ADGRD2: variants seen among roughly 807,000 people sequenced by gnomAD.
ADGRD2 encodes the protein G protein-coupled receptor PGR24.
In ADGRD2, 71 loss-of-function variants were observed where a neutral mutation model predicts 44.4. The observed-to-expected ratio is 1.60, with a 90% CI of 1.32 to 1.95. The LOEUF (loss-of-function observed/expected upper bound fraction) is 1.95, where lower values mean the gene tolerates loss of function less well. Ranked by LOEUF, ADGRD2 falls within the 30% of genes most tolerant of loss-of-function variation. The probability of loss-of-function intolerance (pLI) is 0.00; values close to 1 mark genes in which losing one functional copy is unlikely to be tolerated. For synonymous variants in ADGRD2, 481 were observed against 224.8 expected (o/e 2.14, Z -10.19); for missense variants, 1,039 against 512.4 (o/e 2.03, Z -9.92).
At chr9:124,453,373 T>G in exon 3 of ADGRD2, 1 of 555,810 alleles carries the variant, frequency 1.8e-6, no homozygotes. Flanking sequence ...GGCGCTGTTC[T>G]CCGATGGGAG....
chr9:124,466,083 C>A, intron 10 of ADGRD2, 175 bp from the exon 14 acceptor site: 1 of 448,516 alleles, frequency 2.2e-6, no homozygotes. Context: ...CTCCTACCAT[C>A]CTAAGAATGT....
chr9:124,466,481 T>C (rs1016539163), intron 11 of ADGRD2, 68 bp downstream of exon 14: 12 of 601,686 alleles, frequency 2.0e-5, no homozygotes, highest in East Asian at 5.9e-5. Context: ...GAAGAGCCAA[T>C]AGGTAGCCAG....
At chr9:124,470,717 G>A in intron 17 of ADGRD2, 103 bp downstream of exon 20, 1 of 596,844 alleles carries the variant, frequency 1.7e-6, no homozygotes, top group Non-Finnish European at 3.1e-6. Context: ...TCTCCATCAT[G>A]GGAGACATTC....
At chr9:124,469,450 G>A in exon 16 of ADGRD2, 2 of 718,190 alleles carry the variant, frequency 2.8e-6, no homozygotes, top group Non-Finnish European at 5.2e-6. Context: ...CTGCATCCTG[G>A]CCCGTGTGGT....
chr9:124,474,926 T>A (rs910157226), intron 17 of ADGRD2, among the ~76,000 whole-genome samples: 1 of 152,178 alleles, frequency 6.6e-6, no homozygotes, highest in Non-Finnish European at 1.5e-5. Context: ...TGTGAGTCCC[T>A]CACAGGCAGC....
chr9:124,470,442 G>A, intron 16 of ADGRD2, 52 bp from the exon 20 acceptor site: 1 of 690,190 alleles, frequency 1.4e-6, no homozygotes, highest in East Asian at 2.7e-5. Flanking sequence ...GAGCCCTGCG[G>A]GGAGCTCCCC....
chr9:124,459,341 A>G (rs1831681777), intron 10 of ADGRD2, among the ~76,000 whole-genome samples: 1 of 152,080 alleles, frequency 6.6e-6, no homozygotes, highest in Admixed American at 6.5e-5. Context: ...AAAATACACA[A>G]AAGTTAGCCA....
In ADGRD2 at chr9:124,454,570, G is replaced by T; in HGVS notation, c.1108+1G>T. ...CAATGCCTTGGCCAACGACATTGTG[G>T]TGAGCTCCCTCTCAGGGGCTGGAAA... On this transcript the variant is annotated splice_donor_variant, in intron 5 of 21. Transcript: ENST00000334810. LOFTEE classifies it high-confidence loss of function. The surrounding 1 kb of genome is among the most constrained non-coding windows in gnomAD (Gnocchi z 4.5). The T allele has an allele frequency of 1.4e-6, 1 of 715,720 alleles. No homozygotes were observed. Among genetic ancestry groups the T allele is most frequent in the South Asian group, 1.5e-5 (1 of 67,540 alleles). The allele number at this position is 715,720 out of a possible 1,614,324, so 44.3% of individuals were successfully genotyped here.
At chr9:124,458,312 G>C in intron 9 of ADGRD2, 76 bp downstream of exon 12, 2 of 697,746 alleles carry the variant, frequency 2.9e-6, no homozygotes, top group Admixed American at 2.1e-5. Context: ...CCGTTCTGGT[G>C]GGCGCATGTG....
intron 17 of ADGRD2, among the ~76,000 whole-genome samples, chr9:124,472,751 T>A (rs1490127937): frequency 6.6e-6 from 1 of 152,124 alleles, no homozygotes; most frequent in Non-Finnish European, 1.5e-5. Flanking sequence ...CAAGTGATCC[T>A]CCCGCCTCGG....
chr9:124,475,533 G>A (rs1236004819), intron 18 of ADGRD2, 38 bp from the exon 22 acceptor site: 2 of 716,070 alleles, frequency 2.8e-6, no homozygotes, highest in Admixed American at 2.0e-5. Context: ...CCAAGGGGTA[G>A]GGAGGGTCCC....
At chr9:124,457,534 C>T (rs1428091004) in exon 8 of ADGRD2, 1 of 688,738 alleles carries the variant, frequency 1.5e-6, no homozygotes, top group East Asian at 2.7e-5. Context: ...ATTCACAATG[C>T]CTGGTGGGCG....
In ADGRD2 at chr9:124,454,428, G is replaced by A; in HGVS notation, c.1023-56G>A. 1.5e-6 allele frequency: 1 copy of A among 688,098 alleles called. No homozygotes were observed. The highest frequency in any genetic ancestry group is 1.8e-5 in the African/African-American group (1 of 56,908). 42.6% of individuals were successfully genotyped at this position (688,098 alleles called of 1,614,324 possible). A position where few individuals can be genotyped will look rare whatever the true frequency, so the allele number is the denominator to read the frequency against. On this transcript the variant is annotated intron_variant, in intron 4 of 21. Coordinates refer to ENST00000334810, the Ensembl canonical transcript of ADGRD2. This position sits in a 1 kb window ranked among gnomAD's most constrained non-coding sequence, Gnocchi z 4.5. ...TGGGTGGAGGTCACTGAACAGGCTG[G>A]CATCTCTGGGCAGGGGTATTGCCCG...
Position 124,466,717 on chromosome 9 carries a change from G to A in ADGRD2, c.2026+304G>A, listed in dbSNP as rs572552061. On this transcript the variant is annotated intron_variant, in intron 11 of 21. Transcript: ENST00000334810. Reference sequence around the variant, plus strand: ...CCCAACTATTCAGGAGGCTGAGGCAGGAGGATTGCTTGAGCCCAGGAAGTC... The same window carrying A: ...CCCAACTATTCAGGAGGCTGAGGCAAGAGGATTGCTTGAGCCCAGGAAGTC... The A allele has an allele frequency of 6.0e-4, 114 of 188,940 alleles. 1 individual carries two copies. The South Asian group carries it at 0.019, about 32-fold the overall frequency. 11.7% of individuals were successfully genotyped at this position (188,940 alleles called of 1,614,324 possible). A position where few individuals can be genotyped will look rare whatever the true frequency, so the allele number is the denominator to read the frequency against.
rs564515313 is a variant in ADGRD2 at position 124,478,095 on chromosome 9, A to G, written c.*19-186A>G. Among the ~76,000 whole-genome samples, 91 of 152,102 alleles carry G rather than the reference A, an allele frequency of 6.0e-4. 1 individual carries two copies. The South Asian group carries it at 0.019, about 31-fold the overall frequency. ...GGGCTGTGTCCTTCGCGGGGCCGCC[A>G]CCGCCCCTCCTGAAAGGCCGCGGAG... is the stretch of plus-strand genomic sequence containing the variant. On this transcript the variant is annotated intron_variant, in intron 21 of 21. Transcript: ENST00000334810.
rs1195582166 is a variant in ADGRD2, at chr9:124,476,355, A to G, written c.2846-2A>G. 1.4e-6 allele frequency: 1 copy of G among 698,130 alleles called. No individual in the cohort carries two copies. Among genetic ancestry groups the G allele is most frequent in the South Asian group, 1.5e-5 (1 of 67,220 alleles). 43.2% of individuals were successfully genotyped at this position (698,130 alleles called of 1,614,324 possible). On this transcript the variant is annotated splice_acceptor_variant, in intron 19 of 21. Transcript: ENST00000334810. LOFTEE classifies it high-confidence loss of function. Reference sequence around the variant, plus strand: ...CTCAAAAATTTGCCTTTTCCTCCCTAGGGACCTATGGCCCTAGAACTCCCT... The same window carrying G: ...CTCAAAAATTTGCCTTTTCCTCCCTGGGGACCTATGGCCCTAGAACTCCCT...
chr9:124,452,136 A>G (rs757463203), exon 1 of ADGRD2: 91 of 717,650 alleles, frequency 1.3e-4, no homozygotes, highest in Admixed American at 3.6e-4. Flanking sequence ...AGGTGAATCA[A>G]GGAACCCTTG....
chr9:124,454,526 A>G lies in ADGRD2; in HGVS notation c.1067A>G (p.Gln356Arg). 1 of 717,296 alleles carries G rather than the reference A, an allele frequency of 1.4e-6. No homozygotes were observed. The highest frequency in any genetic ancestry group is 2.6e-6 in the Non-Finnish European group (1 of 384,238). 44.4% of individuals were successfully genotyped at this position (717,296 alleles called of 1,614,324 possible). ...CAGGATGCCCAGTCGTGGCCTGGCC[A>G]GGATGTTATCAGCCGAGTCAATGCC... The change falls in exon 5 of 22, where the codon CAG (glutamine) becomes CGG (arginine). Residue 356 changes from glutamine (Q) to arginine (R), a missense_variant. Coordinates refer to ENST00000334810, the Ensembl canonical transcript of ADGRD2. This position sits in a 1 kb window ranked among gnomAD's most constrained non-coding sequence, Gnocchi z 4.5.
upstream of ADGRD2, chr9:124,451,641 C>A (rs73590239): frequency 0.012 from 3,327 of 268,288 alleles, 127 homozygotes; most frequent in African/African-American, 0.07. Flanking sequence ...CCCCTGCTGT[C>A]TGTCACCTGC....
Sources: allele counts gnomAD v4.1 joint callset (sites outside exome capture counted in the v4.1 genomes callset), GRCh38; gene constraint gnomAD v4.1.1; non-coding constraint Gnocchi (gnomAD v3.1); transcripts MANE v1.5; gene names NCBI Gene and HGNC (gene_info 2026-07-23, HGNC 2026-07-21).